Variants in PSD3 observed in about 807,000 individuals in gnomAD.
The protein encoded by PSD3 is PH and SEC7 domain-containing protein 3.
PSD3 carries 49 observed loss-of-function variants against 105.5 expected under a neutral mutation model. The ratio of observed to expected loss-of-function variants is 0.46; its 90% CI spans 0.37 to 0.59. The LOEUF (loss-of-function observed/expected upper bound fraction) is 0.59. PSD3 is among the 20% of genes least tolerant of loss of function. PSD3 has a pLI of 0.00. For missense variants in PSD3, 1,561 were observed against 1,263.8 expected, an observed-to-expected ratio of 1.24 and a Z score of -3.57; for synonymous variants, 557 against 457.8, an observed-to-expected ratio of 1.22 and a Z score of -2.77.
intron 2 of PSD3, among the ~76,000 whole-genome samples, chr8:18,923,206 T>C (rs1821146956): frequency 6.6e-6 from 1 of 151,830 alleles, no homozygotes; most frequent in Non-Finnish European, 1.5e-5. Context: ...AAAAAAAACC[T>C]CATAATGTTT....
intron 9 of PSD3, among the ~76,000 whole-genome samples, chr8:18,751,605 G>A (rs11491918): frequency 0.038 from 5,168 of 136,322 alleles, 239 homozygotes; most frequent in East Asian, 0.11. Flanking sequence ...CAACACTAAG[G>A]CAGGCTTAGA....
At chr8:18,946,841 G>T (rs1427334586) in intron 1 of PSD3, among the ~76,000 whole-genome samples, 1 of 151,240 alleles carries the variant, frequency 6.6e-6, no homozygotes, top group Non-Finnish European at 1.5e-5. Flanking sequence ...GGAGACGAAG[G>T]TTGCAGTGAG....
Position 18,999,219 on chromosome 8 carries a change from T to A in PSD3, c.21+14344A>T, listed in dbSNP as rs919147. ...AGGTTTGCTTTTGTTTCTGAAGTTA[T>A]GTATACAGCAGAAATTCTTAACCAC... On this transcript the variant is annotated intron_variant, in intron 1 of 15. Coordinates refer to ENST00000327040, the MANE Select transcript of PSD3 (RefSeq NM_015310.4). Among the ~76,000 whole-genome samples, 14 of 151,870 alleles carry A rather than the reference T, an allele frequency of 9.2e-5. No homozygotes were observed. In the East Asian group the frequency reaches 2.7e-3, roughly 29 times the overall value.
chr8:18,882,179 G>A (rs1055190479), intron 2 of PSD3, among the ~76,000 whole-genome samples: 6 of 152,034 alleles, frequency 3.9e-5, no homozygotes, highest in African/African-American at 1.4e-4. Flanking sequence ...CTGCCCTCTA[G>A]CCGGGACAAC....
intron 8 of PSD3, among the ~76,000 whole-genome samples, chr8:18,787,681 T>A (rs13277370): frequency 0.42 from 63,863 of 152,048 alleles, 16,906 homozygotes; most frequent in Non-Finnish European, 0.59. Flanking sequence ...GCGACAATAT[T>A]ACCATTTTCA....
At chr8:18,713,749 T>A (rs546606834) in intron 9 of PSD3, among the ~76,000 whole-genome samples, 1 of 152,166 alleles carries the variant, frequency 6.6e-6, no homozygotes, top group Non-Finnish European at 1.5e-5. Context: ...CAAACTACCA[T>A]TGGCATTCTT....
At chr8:18,600,291 G>C (rs1461714999) in intron 12 of PSD3, 73 bp downstream of exon 12, 3 of 1,323,206 alleles carry the variant, frequency 2.3e-6, no homozygotes, top group South Asian at 2.5e-5. Flanking sequence ...GGAGACTACC[G>C]TACATACATA....
At chr8:18,874,782 AT>A (rs1817624698) in intron 2 of PSD3, among the ~76,000 whole-genome samples, 1 of 151,860 alleles carries the variant, frequency 6.6e-6, no homozygotes, top group South Asian at 2.1e-4. Context: ...ATAATTATTA[AT>A]TACTGATACA....
intron 9 of PSD3, among the ~76,000 whole-genome samples, chr8:18,709,074 C>T (rs945739559): frequency 2.6e-5 from 4 of 152,118 alleles, no homozygotes; most frequent in East Asian, 1.9e-4. Flanking sequence ...TTGTGGACAG[C>T]GGTAGCAGGC....
rs1255484163 is a variant in PSD3, at chr8:18,783,346, C to T, written c.2082+15949G>A. On this transcript the variant is annotated intron_variant, in intron 8 of 15. Coordinates refer to ENST00000327040, the MANE Select transcript of PSD3 (RefSeq NM_015310.4). ...TACTGATTTTAGTAATTTGAGAGTT[C>T]TTTTACTCATGGTCAGTCTAATTCA... Among the ~76,000 whole-genome samples, 3 of 152,090 alleles carry T rather than the reference C, an allele frequency of 2.0e-5. No individual in the cohort carries two copies. In the South Asian group the frequency reaches 6.2e-4, roughly 32 times the overall value.
intron 4 of PSD3, among the ~76,000 whole-genome samples, chr8:18,864,157 G>A (rs1259200527): frequency 6.6e-6 from 1 of 152,174 alleles, no homozygotes; most frequent in Non-Finnish European, 1.5e-5. Context: ...ATCTGGTCTT[G>A]TTCTAGATCT....
chr8:19,002,062 A>T (rs902660058), intron 1 of PSD3: 2 of 153,580 alleles, frequency 1.3e-5, no homozygotes, highest in African/African-American at 2.4e-5. Flanking sequence ...CTTGGTGCAA[A>T]CATATCATCC....
chr8:18,554,507 G>A (rs1295796175), intron 15 of PSD3, among the ~76,000 whole-genome samples: 1 of 152,138 alleles, frequency 6.6e-6, no homozygotes, highest in Non-Finnish European at 1.5e-5. Context: ...CCCAGAGCAA[G>A]GATTTGCTTG....
At chr8:18,548,481 A>G (rs1255250025) in intron 15 of PSD3, among the ~76,000 whole-genome samples, 1 of 152,178 alleles carries the variant, frequency 6.6e-6, no homozygotes, top group Non-Finnish European at 1.5e-5. Flanking sequence ...CAAACAGCCA[A>G]GCTAGGGATT....
At chr8:18,663,998 G>C (rs1438160160) in intron 9 of PSD3, among the ~76,000 whole-genome samples, 1 of 152,050 alleles carries the variant, frequency 6.6e-6, no homozygotes, top group African/African-American at 2.4e-5. Context: ...AATTGTTTTG[G>C]GGAGCCATTA....
upstream of PSD3, among the ~76,000 whole-genome samples, chr8:19,016,296 TC>T (rs141661807): frequency 1.8e-3 from 280 of 152,208 alleles, 1 homozygote; most frequent in African/African-American, 6.6e-3. Context: ...CCCCACCTCT[TC>T]CCATGAGCCC....
At chr8:19,012,666 CT>C (rs1827008081) in intron 1 of PSD3, among the ~76,000 whole-genome samples, 1 of 152,228 alleles carries the variant, frequency 6.6e-6, no homozygotes, top group Non-Finnish European at 1.5e-5. Flanking sequence ...TCCTATCCTA[CT>C]TACCTAGCTA....
intron 12 of PSD3, among the ~76,000 whole-genome samples, chr8:18,583,377 G>C (rs1156797895): frequency 6.6e-6 from 1 of 152,144 alleles, no homozygotes; most frequent in Non-Finnish European, 1.5e-5. Context: ...GCTGCAGTGA[G>C]CTGAGACACC....
intron 4 of PSD3, among the ~76,000 whole-genome samples, chr8:18,841,493 C>T (rs1814623016): frequency 6.6e-6 from 1 of 151,958 alleles, no homozygotes. Context: ...CACACACACA[C>T]ACACACTGAA....
Sources: gnomAD v4.1 joint callset for allele counts (sites outside exome capture counted in the v4.1 genomes callset) on GRCh38, gnomAD v4.1.1 for gene constraint, MANE v1.5 for transcripts, NCBI Gene and HGNC (gene_info 2026-07-23, HGNC 2026-07-21) for gene names.